FHIT: variants seen among roughly 807,000 people sequenced by gnomAD.
FHIT encodes bis(5'-adenosyl)-triphosphatase.
In FHIT, 19 loss-of-function variants were observed where a neutral mutation model predicts 17.9. The ratio of observed to expected loss-of-function variants is 1.06; its 90% CI spans 0.74 to 1.56. The LOEUF (loss-of-function observed/expected upper bound fraction) is 1.56, where lower values mean the gene tolerates loss of function less well. FHIT is among the 40% of genes most tolerant of loss of function. FHIT has a pLI of 0.00. For missense variants in FHIT, 248 were observed against 189.2 expected, an observed-to-expected ratio of 1.31 and a Z score of -1.82; for synonymous variants, 81 against 69.7, an observed-to-expected ratio of 1.16 and a Z score of -0.81.
At chr3:59,888,948 G>A (rs1703739091) in intron 8 of FHIT, among the ~76,000 whole-genome samples, 1 of 152,176 alleles carries the variant, frequency 6.6e-6, no homozygotes, top group Non-Finnish European at 1.5e-5. Context: ...AGAAGAGAGG[G>A]TGAGAAGGGC....
At chr3:61,052,177 T>C (rs1344272057) in intron 2 of FHIT, among the ~76,000 whole-genome samples, 2 of 152,234 alleles carry the variant, frequency 1.3e-5, no homozygotes, top group Non-Finnish European at 2.9e-5. Flanking sequence ...TAAATTTTAT[T>C]ACGCACCAAG....
intron 5 of FHIT, among the ~76,000 whole-genome samples, chr3:60,097,999 A>G (rs1704033029): frequency 2.6e-5 from 4 of 151,694 alleles, no homozygotes; most frequent in Admixed American, 2.0e-4. Flanking sequence ...GTTTGCTGAG[A>G]ATGATGGTTT....
chr3:59,960,976 A>G (rs1156261463), intron 7 of FHIT, among the ~76,000 whole-genome samples: 1 of 152,212 alleles, frequency 6.6e-6, no homozygotes, highest in Admixed American at 6.5e-5. Context: ...CAAAAGGACT[A>G]TCTTTGAGAC....
At chr3:60,044,102 G>A (rs758737291) in intron 5 of FHIT, among the ~76,000 whole-genome samples, 4 of 152,122 alleles carry the variant, frequency 2.6e-5, no homozygotes, top group Non-Finnish European at 5.9e-5. Flanking sequence ...CTGCTGAAAA[G>A]TTCATTCCTA....
chr3:60,699,607 T>A (rs2041192517), intron 4 of FHIT, among the ~76,000 whole-genome samples: 2 of 140,286 alleles, frequency 1.4e-5, no homozygotes, highest in South Asian at 4.4e-4. Context: ...CGTTAGTGGG[T>A]GCAGCGCACC....
chr3:60,750,514 A>G (rs1316169967), intron 4 of FHIT, among the ~76,000 whole-genome samples: 2 of 152,138 alleles, frequency 1.3e-5, no homozygotes, highest in Non-Finnish European at 2.9e-5. Context: ...TCAGTCTCAC[A>G]AGATCTGATG....
chr3:59,963,785 G>A (rs1476042084), intron 7 of FHIT, among the ~76,000 whole-genome samples: 1 of 152,144 alleles, frequency 6.6e-6, no homozygotes, highest in Non-Finnish European at 1.5e-5. Flanking sequence ...ACAAATTAGG[G>A]AAAATGGCTT....
intron 5 of FHIT, among the ~76,000 whole-genome samples, chr3:60,263,998 T>C (rs1328020788): frequency 6.6e-6 from 1 of 151,916 alleles, no homozygotes; most frequent in African/African-American, 2.4e-5. Flanking sequence ...TTTGAATCTA[T>C]TTGATCTGTT....
At chr3:60,377,771 G>A (rs1026985629) in intron 5 of FHIT, among the ~76,000 whole-genome samples, 57 of 151,596 alleles carry the variant, frequency 3.8e-4, no homozygotes, top group Admixed American at 2.2e-3. Flanking sequence ...GTGAGCCACC[G>A]CGCCCGGCCC....
At chr3:59,794,193 G>A (rs544907281) in intron 8 of FHIT, among the ~76,000 whole-genome samples, 10 of 152,258 alleles carry the variant, frequency 6.6e-5, no homozygotes, top group Admixed American at 2.6e-4. Context: ...TCTCTAGAAC[G>A]TACCGTTGTC....
intron 5 of FHIT, among the ~76,000 whole-genome samples, chr3:60,459,870 A>G (rs1361463711): frequency 1.3e-5 from 2 of 152,280 alleles, no homozygotes; most frequent in East Asian, 3.9e-4. Flanking sequence ...GTTCAAATAT[A>G]TTGGGGTTGG....
At chr3:60,804,388 A>G (rs539225682) in intron 4 of FHIT, among the ~76,000 whole-genome samples, 1 of 152,320 alleles carries the variant, frequency 6.6e-6, no homozygotes, top group South Asian at 2.1e-4. Flanking sequence ...ACTTTAGTTC[A>G]GATGCTCTCA....
chr3:60,309,117 A>C (rs752773954), intron 5 of FHIT, among the ~76,000 whole-genome samples: 12 of 152,112 alleles, frequency 7.9e-5, no homozygotes, highest in Non-Finnish European at 1.6e-4. Flanking sequence ...CTGTAGTTCC[A>C]TTATGTTCTG....
At chr3:60,574,635 C>A (rs1278194747) in intron 4 of FHIT, among the ~76,000 whole-genome samples, 1 of 152,098 alleles carries the variant, frequency 6.6e-6, no homozygotes, top group African/African-American at 2.4e-5. Context: ...GTAAACACAT[C>A]TTTACATTGA....
chr3:60,130,832 T>C (rs1176921799), intron 5 of FHIT, among the ~76,000 whole-genome samples: 1 of 122,608 alleles, frequency 8.2e-6, no homozygotes, highest in Admixed American at 9.7e-5. Flanking sequence ...TATAGGTGTG[T>C]ACATACATAC....
chr3:60,052,266 T>C (rs1701910560), intron 5 of FHIT, among the ~76,000 whole-genome samples: 2 of 152,050 alleles, frequency 1.3e-5, no homozygotes, highest in South Asian at 2.1e-4. Flanking sequence ...AGAGCAGCAA[T>C]AGAACGAGTG....
intron 1 of FHIT, among the ~76,000 whole-genome samples, chr3:61,227,576 CT>C (rs1338887531): frequency 6.6e-6 from 1 of 151,594 alleles, no homozygotes; most frequent in Non-Finnish European, 1.5e-5. Flanking sequence ...GTAAATGTGA[CT>C]TATAAAAAAA....
intron 3 of FHIT, among the ~76,000 whole-genome samples, chr3:60,868,633 A>T (rs1386774353): frequency 6.6e-6 from 1 of 152,170 alleles, no homozygotes; most frequent in Admixed American, 6.6e-5. Flanking sequence ...TCTCTTTGTA[A>T]CATATTTCTG....
intron 5 of FHIT, among the ~76,000 whole-genome samples, chr3:60,329,349 G>A (rs1437393355): frequency 3.9e-5 from 6 of 152,062 alleles, no homozygotes; most frequent in Non-Finnish European, 7.4e-5. Context: ...AGAAAATACC[G>A]TGTTCCTCAC....
Sources: allele counts gnomAD v4.1 joint callset (sites outside exome capture counted in the v4.1 genomes callset), GRCh38; gene constraint gnomAD v4.1.1; transcripts MANE v1.5; gene names NCBI Gene and HGNC (gene_info 2026-07-23, HGNC 2026-07-21).